CACNA1E: variants seen among roughly 807,000 people sequenced by gnomAD.
CACNA1E encodes voltage-dependent R-type calcium channel subunit alpha-1E.
Under a neutral mutation model 259.2 loss-of-function variants are expected in CACNA1E, and 40 were observed. The observed-to-expected ratio is 0.15, with a 90% CI of 0.12 to 0.20. CACNA1E has a LOEUF of 0.20. CACNA1E is among the 10% of genes least tolerant of loss of function. CACNA1E has a pLI of 1.00. For synonymous variants in CACNA1E, 1,104 were observed against 1,138.5 expected (o/e 0.97, Z 0.61); for missense variants, 1,874 against 3,040.1 (o/e 0.62, Z 9.02).
intron 1 of CACNA1E, among the ~76,000 whole-genome samples, chr1:181,340,083 T>C (rs924595798): frequency 2.0e-5 from 3 of 151,738 alleles, no homozygotes; most frequent in Non-Finnish European, 2.9e-5. Flanking sequence ...GCACTTTTCA[T>C]GGCTTTATTT....
intron 7 of CACNA1E, among the ~76,000 whole-genome samples, chr1:181,679,681 T>C (rs1649737397): frequency 6.6e-6 from 1 of 152,188 alleles, no homozygotes; most frequent in Admixed American, 6.5e-5. Context: ...GATTCTGAGA[T>C]CTTTGTCCTC....
chr1:181,789,099 T>C (rs1382369305), intron 43 of CACNA1E, among the ~76,000 whole-genome samples: 1 of 152,226 alleles, frequency 6.6e-6, no homozygotes, highest in Non-Finnish European at 1.5e-5. Context: ...GAGCTCAAGC[T>C]ATCTTCCCGG....
chr1:181,450,028 G>A (rs1267362459), intron 2 of CACNA1E, among the ~76,000 whole-genome samples: 5 of 152,176 alleles, frequency 3.3e-5, no homozygotes, highest in Non-Finnish European at 7.3e-5. Flanking sequence ...GGCTATACAG[G>A]AAGCATGGCT....
chr1:181,697,662 T>C (rs1651845891), intron 7 of CACNA1E, among the ~76,000 whole-genome samples: 1 of 152,212 alleles, frequency 6.6e-6, no homozygotes, highest in Non-Finnish European at 1.5e-5. Context: ...AAAACTGAAA[T>C]GAAAAATATA....
At chr1:181,782,035 A>G (rs903882134) in intron 39 of CACNA1E, among the ~76,000 whole-genome samples, 2 of 152,204 alleles carry the variant, frequency 1.3e-5, no homozygotes, top group African/African-American at 4.8e-5. Context: ...ACTCATAACA[A>G]ATGTTTTCAC....
At chr1:181,547,221 C>G (rs1388355234) in intron 3 of CACNA1E, among the ~76,000 whole-genome samples, 1 of 152,140 alleles carries the variant, frequency 6.6e-6, no homozygotes, top group Non-Finnish European at 1.5e-5. Context: ...TCCAGCAGTG[C>G]TCATGCCTGC....
intron 3 of CACNA1E, among the ~76,000 whole-genome samples, chr1:181,517,864 C>T (rs1666709034): frequency 3.9e-5 from 6 of 152,174 alleles, no homozygotes; most frequent in Admixed American, 6.5e-5. Context: ...CAGAGTTTTC[C>T]TCAGCACTGT....
chr1:181,788,465 T>C (rs188444926), intron 43 of CACNA1E, among the ~76,000 whole-genome samples: 28 of 152,318 alleles, frequency 1.8e-4, no homozygotes, highest in Admixed American at 1.4e-3. Flanking sequence ...AAGTTGCATT[T>C]TCAGTGATTT....
At chr1:181,781,634 A>C in intron 39 of CACNA1E, 111 bp downstream of exon 39, 1 of 695,248 alleles carries the variant, frequency 1.4e-6, no homozygotes. Flanking sequence ...GGAGGAGGGA[A>C]CTAAGGAGGA....
chr1:181,653,038 G>A (rs1363061513), intron 7 of CACNA1E, among the ~76,000 whole-genome samples: 1 of 152,002 alleles, frequency 6.6e-6, no homozygotes, highest in African/African-American at 2.4e-5. Flanking sequence ...TGATATTTGG[G>A]AGAGACCAGA....
intron 1 of CACNA1E, among the ~76,000 whole-genome samples, chr1:181,327,541 C>T (rs1208777157): frequency 6.6e-6 from 1 of 152,214 alleles, no homozygotes; most frequent in African/African-American, 2.4e-5. Context: ...TCCCCAACCC[C>T]CATCTTTCCC....
At chr1:181,501,951 T>C (rs994928919) in intron 1 of CACNA1E, among the ~76,000 whole-genome samples, 1 of 152,230 alleles carries the variant, frequency 6.6e-6, no homozygotes, top group Non-Finnish European at 1.5e-5. Flanking sequence ...TTAGTCTTTT[T>C]TTTTAAGATG....
chr1:181,473,059 C>T (rs1454095760), intron 2 of CACNA1E, among the ~76,000 whole-genome samples: 2 of 152,158 alleles, frequency 1.3e-5, no homozygotes, highest in Non-Finnish European at 2.9e-5. Context: ...AACTAATGAT[C>T]AGGATCGATG....
intron 6 of CACNA1E, among the ~76,000 whole-genome samples, chr1:181,581,611 C>G (rs956698128): frequency 4.6e-5 from 7 of 152,176 alleles, no homozygotes; most frequent in African/African-American, 1.7e-4. Context: ...ATCATGAAGT[C>G]TCTTCCATCT....
chr1:181,699,493 A>G (rs1184115175), intron 7 of CACNA1E, among the ~76,000 whole-genome samples: 1 of 152,216 alleles, frequency 6.6e-6, no homozygotes, highest in South Asian at 2.1e-4. Flanking sequence ...AGGGTCTCAT[A>G]GGCCACAATA....
intron 2 of CACNA1E, among the ~76,000 whole-genome samples, chr1:181,443,239 A>G (rs983261801): frequency 6.6e-6 from 1 of 152,274 alleles, no homozygotes; most frequent in Non-Finnish European, 1.5e-5. Flanking sequence ...AATATGAAAT[A>G]CCAGATGAAA....
upstream of CACNA1E, among the ~76,000 whole-genome samples, chr1:181,482,382 G>A (rs1663340321): frequency 6.6e-6 from 1 of 152,268 alleles, no homozygotes; most frequent in Admixed American, 6.5e-5. Context: ...GCTCTCTTGC[G>A]GAGACTCCGC....
intron 2 of CACNA1E, among the ~76,000 whole-genome samples, chr1:181,463,092 A>G (rs1425270149): frequency 2.6e-5 from 4 of 152,158 alleles, no homozygotes; most frequent in Non-Finnish European, 5.9e-5. Flanking sequence ...TGCAGGGGAT[A>G]AGACCCCCAG....
chr1:181,640,805 G>T (rs1368291573), intron 6 of CACNA1E, among the ~76,000 whole-genome samples: 1 of 152,170 alleles, frequency 6.6e-6, no homozygotes, highest in Non-Finnish European at 1.5e-5. Context: ...ATGCCAGCAG[G>T]TTTCTAATCT....
Sources: allele counts gnomAD v4.1 joint callset (sites outside exome capture counted in the v4.1 genomes callset), GRCh38; gene constraint gnomAD v4.1.1; transcripts MANE v1.5; gene names NCBI Gene and HGNC (gene_info 2026-07-23, HGNC 2026-07-21).